TJP3: variants seen among roughly 807,000 people sequenced by gnomAD.
TJP3 encodes tight junction protein 3, also known as tight junction protein ZO-3.
A neutral mutation model predicts 104.2 loss-of-function variants in TJP3; 85 were observed. The observed-to-expected ratio is 0.82, with a 90% CI of 0.68 to 0.98. The LOEUF is 0.98. Ranked by LOEUF, TJP3 falls within the 50% of genes least tolerant of loss-of-function variation. The pLI, the probability that TJP3 is intolerant of heterozygous loss-of-function variation, is 0.00. For synonymous variants in TJP3, 550 were observed against 550.6 expected (o/e 1.00, Z 0.02); for missense variants, 1,367 against 1,322.8 (o/e 1.03, Z -0.52).
chr19:3,741,827 G>C lies in TJP3; in HGVS notation c.1843+1064G>C, dbSNP rs182956509. ...CTACTAAAAGTACAAAAAATTAGCT[G>C]GGCATGGTGGCAGGTGCCTATAATC... On this transcript the variant is annotated intron_variant, in intron 14 of 20. Coordinates refer to ENST00000541714, the MANE Select transcript of TJP3 (RefSeq NM_001267560.2). Among the ~76,000 whole-genome samples, 1,373 of 150,838 alleles carry C rather than the reference G, an allele frequency of 9.1e-3. 3 individuals are homozygous for C. The highest frequency in any genetic ancestry group is 0.015 in the Non-Finnish European group (1,006 of 67,764).
intron 7 of TJP3, 104 bp downstream of exon 7, chr19:3,734,016 G>A (rs2036705224): frequency 6.9e-7 from 1 of 1,447,558 alleles, no homozygotes; most frequent in Non-Finnish European, 9.3e-7. Context: ...GTCCCTAGAG[G>A]CTCAGAGAGT....
chr19:3,742,569 G>A (rs889515923), intron 14 of TJP3, among the ~76,000 whole-genome samples: 3 of 146,350 alleles, frequency 2.0e-5, no homozygotes, highest in African/African-American at 5.1e-5. Context: ...CCCGGGACAG[G>A]GGTGGGTGGA....
Position 3,730,482 on chromosome 19 carries a change from A to G in TJP3, c.389A>G (p.Tyr130Cys), listed in dbSNP as rs762178180. The G allele has an allele frequency of 6.3e-7, 1 of 1,584,432 alleles. No individual in the cohort carries two copies. Among genetic ancestry groups the G allele is most frequent in the Non-Finnish European group, 8.6e-7 (1 of 1,166,034 alleles). ...GAGGAGGTGGACCAGGGCCGGGGCT[A>G]TGACGGCGACTCATCCAGTGGCTCC... Reference protein sequence around the residue: ...RVEEVDQGRGYDGDSSSGSGR... With the variant: ...RVEEVDQGRGCDGDSSSGSGR... The change falls in exon 5 of 21, where the codon TAT (tyrosine) becomes TGT (cysteine). Residue 130 changes from tyrosine (Y) to cysteine (C), a missense_variant. Transcript: ENST00000541714. The surrounding 1 kb of genome is among the most constrained non-coding windows in gnomAD (Gnocchi z 7.3).
intron 13 of TJP3, 43 bp downstream of exon 13, chr19:3,739,177 C>T: frequency 6.8e-7 from 1 of 1,471,520 alleles, no homozygotes; most frequent in South Asian, 1.4e-5. Flanking sequence ...TCTGCTTCAG[C>T]CTCAGTCTCC....
intron 1 of TJP3, among the ~76,000 whole-genome samples, chr19:3,723,331 A>G (rs558566211): frequency 4.6e-5 from 7 of 152,296 alleles, no homozygotes; most frequent in Admixed American, 1.3e-4. Context: ...CAGGGAGTCC[A>G]GTACCAGCAC....
intron 1 of TJP3, among the ~76,000 whole-genome samples, chr19:3,724,406 A>G (rs935158458): frequency 3.3e-5 from 5 of 152,130 alleles, no homozygotes; most frequent in Non-Finnish European, 7.4e-5. Context: ...CATGTTAGCC[A>G]GGATAGTCTC....
At chr19:3,717,204 A>T (rs1227428192) in intron 1 of TJP3, among the ~76,000 whole-genome samples, 1 of 145,444 alleles carries the variant, frequency 6.9e-6, no homozygotes, top group Non-Finnish European at 1.5e-5. Context: ...ACCTCAGGTG[A>T]TCCGCCCGCC....
At chr19:3,741,801 T>A (rs1318305741) in intron 14 of TJP3, among the ~76,000 whole-genome samples, 1 of 150,302 alleles carries the variant, frequency 6.7e-6, no homozygotes, top group Non-Finnish European at 1.5e-5. Flanking sequence ...AAATCCCATC[T>A]CTACTAAAAG....
chr19:3,727,673 G>C (rs1312083896), intron 1 of TJP3, among the ~76,000 whole-genome samples: 1 of 151,330 alleles, frequency 6.6e-6, no homozygotes, highest in Non-Finnish European at 1.5e-5. Flanking sequence ...TCTGTGGGTG[G>C]ATCAGTTGAG....
chr19:3,727,588 C>A (rs935891760), intron 1 of TJP3, among the ~76,000 whole-genome samples: 2 of 152,068 alleles, frequency 1.3e-5, no homozygotes. Flanking sequence ...TTCTTGAATC[C>A]CTGCTGCAAC....
chr19:3,734,425 G>A lies in TJP3; in HGVS notation c.976G>A (p.Asp326Asn), dbSNP rs377122533. ...GCGGAGCCCCGAGGCCAGCCAGACC[G>A]ACTCTCCCGTGTAAGTATCACCCAT... ...AQRSPEASQT[D>N]SPVESPRLRR... is the part of the protein sequence containing the mutation. The change falls in exon 8 of 21, where the codon GAC (aspartate) becomes AAC (asparagine). Residue 326 changes from aspartate to asparagine, a missense_variant. Asp to Asn is a conservative substitution (Grantham distance 23). Transcript: ENST00000541714. The A allele has an allele frequency of 1.7e-5, 27 of 1,607,936 alleles. No homozygotes were observed. In the African/African-American group the frequency reaches 2.7e-4, roughly 16 times the overall value.
In TJP3 at chr19:3,735,886, A is replaced by AGCTAT. The variant is rs1289419118; in HGVS notation, c.1080_1084dup (p.Asp362AlafsTer70). ...CCTTTCAGAGTTGCCCAGGGAAAGC[A>AGCTAT]GCTATGACATCTACAGAGTGCCCAG... On this transcript the variant is annotated frameshift_variant, in exon 10 of 21. Transcript: ENST00000541714. LOFTEE classifies it high-confidence loss of function. The AGCTAT allele has an allele frequency of 6.2e-7, 1 of 1,614,140 alleles. No homozygotes were observed. The highest frequency in any genetic ancestry group is 1.7e-5 in the Admixed American group (1 of 60,000).
At chr19:3,718,233 GT>G (rs1568378213) in intron 1 of TJP3, among the ~76,000 whole-genome samples, 14 of 123,928 alleles carry the variant, frequency 1.1e-4, no homozygotes, top group African/African-American at 4.1e-4. Context: ...GTGTGTGTGT[GT>G]GTGTGTGTGT....
intron 14 of TJP3, 59 bp downstream of exon 14, chr19:3,740,822 T>A: frequency 1.4e-6 from 2 of 1,429,830 alleles, no homozygotes; most frequent in South Asian, 1.5e-5. Context: ...CTGGTGCACC[T>A]GTTCACTAAC....
chr19:3,715,867 C>G (rs1461072814), intron 1 of TJP3, among the ~76,000 whole-genome samples: 2 of 152,114 alleles, frequency 1.3e-5, no homozygotes, highest in African/African-American at 4.8e-5. Context: ...CAGCCTCTGC[C>G]TCCTGGGTTC....
chr19:3,748,049 C>G lies in TJP3; in HGVS notation c.2578C>G (p.Arg860Gly). 1 of 1,587,622 alleles carries G rather than the reference C, an allele frequency of 6.3e-7. No homozygotes were observed. Among genetic ancestry groups the G allele is most frequent in the Non-Finnish European group, 8.6e-7 (1 of 1,167,194 alleles). ...QADESQSPRD[R>G]GRISAHQGAQ... is the part of the protein sequence containing the mutation. ...AGATGAGTCCCAGAGCCCGAGGGATCGTGGGAGAATCTCGGCTCATCAGGG... is the reference window on the plus strand; with the variant it reads ...AGATGAGTCCCAGAGCCCGAGGGATGGTGGGAGAATCTCGGCTCATCAGGG... The change falls in exon 19 of 21, where the codon CGT (arginine) becomes GGT (glycine). Residue 860 changes from arginine (R) to glycine (G), a missense_variant. Physicochemically the swap from Arg to Gly is moderately radical, Grantham distance 125. Transcript: ENST00000541714.
In TJP3 at chr19:3,730,817, A is replaced by C; in HGVS notation, c.613+111A>C. 8.7e-7 allele frequency: 1 copy of C among 1,149,426 alleles called. No individual in the cohort carries two copies. Among genetic ancestry groups the C allele is most frequent in the Non-Finnish European group, 1.2e-6 (1 of 843,642 alleles). The allele number at this position is 1,149,426 out of a possible 1,614,324, so 71.2% of individuals were successfully genotyped here. A position where few individuals can be genotyped will look rare whatever the true frequency, so the allele number is the denominator to read the frequency against. ...TGCCTCAGCCTCCCTGGTGGCTGGG[A>C]CTCCAGGCGCCCGCCACCATGCCTG... On this transcript the variant is annotated intron_variant, in intron 5 of 20. Coordinates refer to ENST00000541714, the MANE Select transcript of TJP3 (RefSeq NM_001267560.2). The surrounding 1 kb of genome is among the most constrained non-coding windows in gnomAD (Gnocchi z 7.3).
At chr19:3,712,961 A>T (rs2036446814) in intron 1 of TJP3, among the ~76,000 whole-genome samples, 2 of 151,440 alleles carry the variant, frequency 1.3e-5, no homozygotes, top group Admixed American at 6.6e-5. Context: ...AAAAAAAAAA[A>T]AAGAAAAGAA....
intron 19 of TJP3, among the ~76,000 whole-genome samples, chr19:3,749,831 G>A (rs576708397): frequency 6.6e-6 from 1 of 152,280 alleles, no homozygotes; most frequent in East Asian, 1.9e-4. Flanking sequence ...GGCTGCATAC[G>A]GAGCAGCCAC....
Sources: allele counts gnomAD v4.1 joint callset (sites outside exome capture counted in the v4.1 genomes callset), GRCh38; gene constraint gnomAD v4.1.1; non-coding constraint Gnocchi (gnomAD v3.1); transcripts MANE v1.5; gene names NCBI Gene and HGNC (gene_info 2026-07-23, HGNC 2026-07-21).